Variants in AKAP7 observed in about 807,000 individuals in gnomAD.
AKAP7 encodes A kinase (PRKA) anchor protein 7.
Under a neutral mutation model 39.5 loss-of-function variants are expected in AKAP7, and 39 were observed. The observed-to-expected ratio is 0.99, with a 90% confidence interval of 0.76 to 1.29. AKAP7 has a LOEUF of 1.29. Ranked by LOEUF, AKAP7 falls within the 50% of genes most tolerant of loss-of-function variation. The probability of loss-of-function intolerance (pLI) is 0.00; values close to 1 mark genes in which losing one functional copy is unlikely to be tolerated. For missense variants in AKAP7, 414 were observed against 407.7 expected (o/e 1.02, Z -0.13); for synonymous variants, 140 against 139.1 (o/e 1.01, Z -0.05).
In AKAP7 at chr6:131,169,161, C is replaced by G. The variant is rs1415309829; in HGVS notation, c.477C>G (p.Leu159=). 6.2e-7 allele frequency: 1 copy of G among 1,613,734 alleles called. No homozygotes were observed. The highest frequency in any genetic ancestry group is 8.5e-7 in the Non-Finnish European group (1 of 1,179,708). Residue 159 remains leucine (L), a synonymous_variant, in exon 5 of 8, where the codon CTC becomes CTG. Transcript: ENST00000431975. ...TGAAACCATTCATAGAAGAACTCCT[C>G]CAGGGAAAACATTTGACTTTGCCCT... ...LELKPFIEEL[L]QGKHLTLPFQ... is the part of the protein sequence containing the mutation.
chr6:131,184,650 G>A, intron 5 of AKAP7: 3 of 767,106 alleles, frequency 3.9e-6, no homozygotes, highest in South Asian at 1.4e-5. Context: ...CCATCTTCTT[G>A]TTAATCTTTG....
intron 7 of AKAP7, among the ~76,000 whole-genome samples, chr6:131,274,795 C>A (rs1211392710): frequency 6.6e-6 from 1 of 152,206 alleles, no homozygotes; most frequent in Non-Finnish European, 1.5e-5. Context: ...TTCCAGTACT[C>A]CAATGCATCG....
chr6:131,168,400 C>G (rs747965701), intron 4 of AKAP7, among the ~76,000 whole-genome samples: 2 of 149,372 alleles, frequency 1.3e-5, no homozygotes, highest in Admixed American at 6.7e-5. Flanking sequence ...TGACAGAGAA[C>G]CTGTCTGAAA....
At chr6:131,256,725 T>G (rs188426480) in intron 7 of AKAP7, among the ~76,000 whole-genome samples, 4 of 151,340 alleles carry the variant, frequency 2.6e-5, no homozygotes, top group Admixed American at 2.0e-4. Context: ...ATTATTATTA[T>G]TATTATTATT....
At chr6:131,217,825 A>T (rs1486345347) in intron 6 of AKAP7, among the ~76,000 whole-genome samples, 2 of 152,192 alleles carry the variant, frequency 1.3e-5, no homozygotes, top group African/African-American at 4.8e-5. Context: ...GTTTCTTGAA[A>T]ATTGAAGGTT....
chr6:131,187,578 T>C (rs1336619596), intron 5 of AKAP7, among the ~76,000 whole-genome samples: 1 of 152,128 alleles, frequency 6.6e-6, no homozygotes, highest in African/African-American at 2.4e-5. Context: ...CTATAACAAG[T>C]TAGTGTAATT....
chr6:131,192,133 C>T (rs962596035), intron 5 of AKAP7, among the ~76,000 whole-genome samples: 2 of 152,068 alleles, frequency 1.3e-5, no homozygotes, highest in African/African-American at 4.8e-5. Context: ...GTTCCCTGTG[C>T]TTGTGAGATA....
At chr6:131,143,430 T>A (rs181607425) in intron 1 of AKAP7, among the ~76,000 whole-genome samples, 1 of 152,184 alleles carries the variant, frequency 6.6e-6, no homozygotes, top group African/African-American at 2.4e-5. Context: ...GCTGTTTTTC[T>A]TGACGTGTGA....
At chr6:131,242,110 A>G (rs937370344) in intron 7 of AKAP7, 17 of 983,430 alleles carry the variant, frequency 1.7e-5, no homozygotes, top group African/African-American at 1.0e-4. Flanking sequence ...AGTGTGAGCA[A>G]CTGAGAAAAC....
chr6:131,216,271 C>T lies in AKAP7; in HGVS notation c.703-3390C>T, dbSNP rs192357585. 2.0e-5 allele frequency among the ~76,000 whole-genome samples: 3 copies of T among 152,272 alleles called. No individual in the cohort carries two copies. The East Asian group carries it at 5.8e-4, about 29-fold the overall frequency. On this transcript the variant is annotated intron_variant, in intron 6 of 7. Transcript: ENST00000431975. ...ATGTTTTGTGACCGTCTGTCTACTT[C>T]CTGTATTAAAAATAGAGTCAGAGGC... is the stretch of plus-strand genomic sequence containing the variant.
At chr6:131,194,106 G>A (rs77140416) in intron 5 of AKAP7, among the ~76,000 whole-genome samples, 4,105 of 151,852 alleles carry the variant, frequency 0.027, 164 homozygotes, top group African/African-American at 0.094. Flanking sequence ...TGCTTTTCTA[G>A]TTCTTTAGAA....
intron 7 of AKAP7, among the ~76,000 whole-genome samples, chr6:131,228,253 T>G (rs187840707): frequency 1.3e-5 from 2 of 152,132 alleles, no homozygotes; most frequent in African/African-American, 2.4e-5. Flanking sequence ...GAAAAAAAGG[T>G]TTTGAGCTTT....
At chr6:131,254,237 C>T (rs1277944596) in intron 7 of AKAP7, among the ~76,000 whole-genome samples, 1 of 152,162 alleles carries the variant, frequency 6.6e-6, no homozygotes, top group Non-Finnish European at 1.5e-5. Context: ...TTAAAAATTA[C>T]TGGAAATATT....
At chr6:131,190,509 G>A (rs1806301239) in intron 5 of AKAP7, among the ~76,000 whole-genome samples, 2 of 151,974 alleles carry the variant, frequency 1.3e-5, no homozygotes, top group Admixed American at 1.3e-4. Flanking sequence ...AGGCATGGTG[G>A]TGCGTGCCTG....
chr6:131,250,306 A>G, intron 7 of AKAP7: 1 of 1,277,352 alleles, frequency 7.8e-7, no homozygotes, highest in Non-Finnish European at 1.0e-6. Context: ...GGGAGCGTAT[A>G]GCCACTTCCT....
rs141598008 is a variant in AKAP7, at chr6:131,158,804, G to T, written c.152-1255G>T. Among the ~76,000 whole-genome samples the T allele has an allele frequency of 4.6e-5, 7 of 152,118 alleles. No homozygotes were observed. In the East Asian group the frequency reaches 1.4e-3, roughly 30 times the overall value. On this transcript the variant is annotated intron_variant, in intron 2 of 7. Transcript: ENST00000431975. ...TTACAGGTGTGAGCCACCATGCCCT[G>T]CAGGGGAACTGTATTTTGAACAGTA... is the stretch of plus-strand genomic sequence containing the variant.
At chr6:131,144,285 C>G (rs1255393515) in intron 1 of AKAP7, among the ~76,000 whole-genome samples, 2 of 152,024 alleles carry the variant, frequency 1.3e-5, no homozygotes, top group Non-Finnish European at 2.9e-5. Flanking sequence ...GGCACACCTC[C>G]CAGACGGGGT....
chr6:131,229,688 T>G (rs536529242), intron 7 of AKAP7, among the ~76,000 whole-genome samples: 2 of 152,332 alleles, frequency 1.3e-5, no homozygotes, highest in South Asian at 2.1e-4. Context: ...TCACATTCTC[T>G]GTGAGGTATA....
intron 7 of AKAP7, among the ~76,000 whole-genome samples, chr6:131,278,419 G>A (rs1267264825): frequency 6.6e-6 from 1 of 152,206 alleles, no homozygotes; most frequent in Non-Finnish European, 1.5e-5. Flanking sequence ...CATGCAGTGA[G>A]AGTTATTAGA....
Sources: gnomAD v4.1 joint callset for allele counts (sites outside exome capture counted in the v4.1 genomes callset) on GRCh38, gnomAD v4.1.1 for gene constraint, MANE v1.5 for transcripts, NCBI Gene and HGNC (gene_info 2026-07-23, HGNC 2026-07-21) for gene names.